DLC1: variants seen among roughly 807,000 people sequenced by gnomAD.
DLC1 encodes rho GTPase-activating protein 7.
In DLC1, 54 loss-of-function variants were observed where a neutral mutation model predicts 140.3. That is an observed-to-expected ratio of 0.38 (90% CI 0.31 to 0.48). The LOEUF (loss-of-function observed/expected upper bound fraction) is 0.48, where lower values mean the gene tolerates loss of function less well. Ranked by LOEUF, DLC1 falls within the 20% of genes least tolerant of loss-of-function variation. The pLI is 0.96. For synonymous variants in DLC1, 986 were observed against 728.1 expected, an observed-to-expected ratio of 1.35 and a Z score of -5.70; for missense variants, 2,536 against 1,907.0, an observed-to-expected ratio of 1.33 and a Z score of -6.14.
chr8:13,563,133 T>TCGGA (rs1383875863), intron 1 of DLC1, among the ~76,000 whole-genome samples: 1 of 152,184 alleles, frequency 6.6e-6, no homozygotes, highest in Non-Finnish European at 1.5e-5. Context: ...TTATAAAAAT[T>TCGGA]ATTTGTACTT....
chr8:13,214,871 G>C, intron 5 of DLC1: 2 of 710,686 alleles, frequency 2.8e-6, no homozygotes, highest in Non-Finnish European at 2.6e-6. Context: ...TCTCATGACA[G>C]GGCTTTTGTA....
chr8:13,307,126 A>G (rs1422765897), intron 4 of DLC1, among the ~76,000 whole-genome samples: 1 of 148,126 alleles, frequency 6.8e-6, no homozygotes, highest in African/African-American at 2.5e-5. Context: ...GGGGGGAGTT[A>G]CTTTGGCAAG....
chr8:13,592,298 T>G (rs886379654), intron 1 of DLC1, among the ~76,000 whole-genome samples: 3 of 152,236 alleles, frequency 2.0e-5, no homozygotes, highest in Non-Finnish European at 4.4e-5. Context: ...CTATAAGATC[T>G]TACCATACAT....
At position 13,090,340 on chromosome 8, in the gene DLC1, A is replaced by G; in HGVS notation, c.3986T>C (p.Val1329Ala). The change falls in exon 15 of 18, where the codon GTG becomes GCG. Residue 1329 changes from valine to alanine, a missense_variant. By Grantham distance (64) the Val-to-Ala change is moderately conservative (BLOSUM62 0). Transcript: ENST00000276297. ...ADYQHFLQDCVDGLFKEVKEK... is the reference protein window; with the variant it reads ...ADYQHFLQDCADGLFKEVKEK... ...TTTGACTTCTTTAAACAGGCCATCC[A>G]CACAGTCCTGGAGGAAGTGTTGGTA... 1 of 1,614,178 alleles carries G rather than the reference A, an allele frequency of 6.2e-7. No individual in the cohort carries two copies. The highest frequency in any genetic ancestry group is 8.5e-7 in the Non-Finnish European group (1 of 1,180,032).
chr8:13,491,735 T>C (rs1400365646), intron 2 of DLC1, among the ~76,000 whole-genome samples: 4 of 152,172 alleles, frequency 2.6e-5, no homozygotes, highest in Non-Finnish European at 5.9e-5. Flanking sequence ...TCTTCCCTCA[T>C]GTCCTGATTT....
rs113707732 is a variant in DLC1 at position 13,150,426 on chromosome 8, C to G, written c.1349-34769G>C. ...TCTTTTTTTTTCTTTGTCGCCAATA[C>G]TGTAATTACTCACTGTATTGCCCTT... On this transcript the variant is annotated intron_variant, in intron 5 of 17. Coordinates refer to ENST00000276297, the MANE Select transcript of DLC1 (RefSeq NM_182643.3). Among the ~76,000 whole-genome samples the G allele has an allele frequency of 1.8e-3, 273 of 151,876 alleles. 1 individual carries two copies. The highest frequency in any genetic ancestry group is 6.4e-3 in the African/African-American group (264 of 41,414).
intron 1 of DLC1, among the ~76,000 whole-genome samples, chr8:13,552,111 G>GTGTGTATA (rs1279225632): frequency 5.5e-5 from 3 of 54,530 alleles, no homozygotes; most frequent in Middle Eastern, 0.023. Context: ...GTCTAGAGGT[G>GTGTGTATA]TATATATATA....
At chr8:13,457,821 C>T (rs2117009517) in intron 2 of DLC1, among the ~76,000 whole-genome samples, 1 of 151,858 alleles carries the variant, frequency 6.6e-6, no homozygotes, top group Non-Finnish European at 1.5e-5. Flanking sequence ...CAAATTTTTG[C>T]TTGCGTAGAA....
chr8:13,352,746 CTG>C (rs1382419861), intron 4 of DLC1, among the ~76,000 whole-genome samples: 2 of 152,142 alleles, frequency 1.3e-5, no homozygotes, highest in Non-Finnish European at 2.9e-5. Context: ...GCATAATACA[CTG>C]TTTTTTTGGA....
Position 13,579,349 on chromosome 8 carries a change from A to AT in DLC1, c.-126+25187dup, listed in dbSNP as rs1804975864. Among the ~76,000 whole-genome samples the AT allele has an allele frequency of 1.2e-4, 6 of 52,160 alleles. 2 individuals carry two copies. In the South Asian group the frequency reaches 2.0e-3, roughly 18 times the overall value. The allele number at this position is 52,160 out of a possible 152,430, so 34.2% of individuals were successfully genotyped here. A position where few individuals can be genotyped will look rare whatever the true frequency, so the allele number is the denominator to read the frequency against. ...TATATATATATATATATATATATATATATATATATATATTTTTATATAATA... is the reference window on the plus strand; with the variant it reads ...TATATATATATATATATATATATATATTATATATATATATTTTTATATAATA... On this transcript the variant is annotated intron_variant, in intron 1 of 1. Coordinates refer to the DLC1 transcript ENST00000631382.
intron 1 of DLC1, among the ~76,000 whole-genome samples, chr8:13,597,224 G>T (rs779127021): frequency 6.6e-6 from 1 of 151,964 alleles, no homozygotes; most frequent in Non-Finnish European, 1.5e-5. Context: ...TAAAATAAAT[G>T]AAAGATGGAT....
At chr8:13,430,121 T>G (rs191783309) in intron 2 of DLC1, among the ~76,000 whole-genome samples, 1 of 152,328 alleles carries the variant, frequency 6.6e-6, no homozygotes, top group African/African-American at 2.4e-5. Flanking sequence ...TATAAAATTC[T>G]CTAAGTTAGT....
chr8:13,391,024 TTC>T (rs1194351517), intron 4 of DLC1, among the ~76,000 whole-genome samples: 2 of 148,544 alleles, frequency 1.3e-5, no homozygotes, highest in African/African-American at 4.9e-5. Context: ...TAGCCTGTTT[TTC>T]AAGTTACTCT....
intron 1 of DLC1, among the ~76,000 whole-genome samples, chr8:13,575,083 C>A (rs1429511096): frequency 6.6e-6 from 1 of 152,072 alleles, no homozygotes; most frequent in African/African-American, 2.4e-5. Flanking sequence ...TTGATAATTA[C>A]CCTTTGGAAT....
At position 13,100,366 on chromosome 8, in the gene DLC1, T is replaced by G. The variant is rs1225670392; in HGVS notation, c.1971A>C (p.Glu657Asp). Reference protein sequence around the residue: ...SSFSFSMKGHEKTAKSKTRSL... With the variant: ...SSFSFSMKGHDKTAKSKTRSL... ...TGCGCGTCTTGGACTTGGCAGTTTT[T>G]TCGTGGCCTTTCATGCTGAAGCTGA... Residue 657 changes from glutamate (E) to aspartate (D), a missense_variant, in exon 9 of 18, where the codon GAA becomes GAC. Coordinates refer to ENST00000276297, the MANE Select transcript of DLC1 (RefSeq NM_182643.3). The G allele has an allele frequency of 1.2e-6, 2 of 1,614,066 alleles. No homozygotes were observed. The highest frequency in any genetic ancestry group is 1.7e-6 in the Non-Finnish European group (2 of 1,180,042).
intron 5 of DLC1, among the ~76,000 whole-genome samples, chr8:13,264,194 G>A (rs938910756): frequency 9.9e-5 from 15 of 151,810 alleles, no homozygotes; most frequent in African/African-American, 3.1e-4. Flanking sequence ...TCAGCCTCCC[G>A]AGTAGATGGG....
intron 2 of DLC1, among the ~76,000 whole-genome samples, chr8:13,431,511 A>AG (rs1554519023): frequency 5.3e-5 from 7 of 132,164 alleles, no homozygotes; most frequent in East Asian, 2.3e-4. Context: ...AAAAAAAAAA[A>AG]AAAAGAAAAG....
At chr8:13,247,637 C>T (rs1829822132) in intron 5 of DLC1, among the ~76,000 whole-genome samples, 2 of 152,202 alleles carry the variant, frequency 1.3e-5, no homozygotes, top group Non-Finnish European at 2.9e-5. Flanking sequence ...GATCCATGCT[C>T]TCAATTGTCG....
chr8:13,442,648 C>T (rs1212421851), intron 2 of DLC1, among the ~76,000 whole-genome samples: 2 of 152,166 alleles, frequency 1.3e-5, no homozygotes, highest in Non-Finnish European at 2.9e-5. Context: ...ATCAAAACCA[C>T]AATGAGATAC....
Sources: gnomAD v4.1 joint callset for allele counts (sites outside exome capture counted in the v4.1 genomes callset) on GRCh38, gnomAD v4.1.1 for gene constraint, MANE v1.5 for transcripts, NCBI Gene and HGNC (gene_info 2026-07-23, HGNC 2026-07-21) for gene names.